PCDH9: variants seen among roughly 807,000 people sequenced by gnomAD.
The protein encoded by PCDH9 is protocadherin 9, also known as protocadherin-9.
PCDH9 carries 24 observed loss-of-function variants against 70.6 expected under a neutral mutation model. The observed-to-expected ratio is 0.34, with a 90% CI of 0.25 to 0.48. The LOEUF (loss-of-function observed/expected upper bound fraction) is 0.48, where lower values mean the gene tolerates loss of function less well. PCDH9 is among the 20% of genes least tolerant of loss of function. The pLI, the probability that PCDH9 is intolerant of heterozygous loss-of-function variation, is 0.99. For missense variants in PCDH9, 1,281 were observed against 1,503.6 expected (o/e 0.85, Z 2.45); for synonymous variants, 562 against 558.5 (o/e 1.01, Z -0.09).
intron 2 of PCDH9, among the ~76,000 whole-genome samples, chr13:67,088,409 G>T (rs1266591934): frequency 6.6e-6 from 1 of 151,966 alleles, no homozygotes; most frequent in Non-Finnish European, 1.5e-5. Flanking sequence ...CTCGCATAGA[G>T]AATTCATTAG....
chr13:66,477,981 T>C (rs1429942189), intron 4 of PCDH9, among the ~76,000 whole-genome samples: 2 of 152,198 alleles, frequency 1.3e-5, no homozygotes, highest in Non-Finnish European at 2.9e-5. Flanking sequence ...GCTACATTTT[T>C]TACAAATTGA....
intron 4 of PCDH9, among the ~76,000 whole-genome samples, chr13:66,331,741 T>C (rs190283979): frequency 1.9e-4 from 29 of 152,300 alleles, no homozygotes; most frequent in Admixed American, 3.9e-4. Flanking sequence ...GGTTACACTT[T>C]AGTGGCAATA....
In PCDH9 at chr13:66,304,133, C is replaced by T. The variant is rs754754925; in HGVS notation, c.*522G>A. The T allele has an allele frequency of 1.3e-5, 2 of 152,782 alleles. No individual in the cohort carries two copies. Among genetic ancestry groups the T allele is most frequent in the Non-Finnish European group, 2.9e-5 (2 of 68,306 alleles). 9.5% of individuals were successfully genotyped at this position (152,782 alleles called of 1,614,324 possible). On this transcript the variant is annotated 3_prime_UTR_variant, in exon 5 of 5. Coordinates refer to ENST00000377865, the MANE Select transcript of PCDH9 (RefSeq NM_203487.3). ...AATAGCTTGCTTCTATTTACAAATA[C>T]TTTAACACTGATTGACTTACAAGTG...
At chr13:66,862,002 A>AG (rs2081492670) in intron 3 of PCDH9, among the ~76,000 whole-genome samples, 1 of 152,228 alleles carries the variant, frequency 6.6e-6, no homozygotes, top group Non-Finnish European at 1.5e-5. Context: ...CAAAATGAGA[A>AG]TTCCATAACC....
rs185840470 is a variant in PCDH9, at chr13:66,625,969, G to A, written c.3340+5241C>T. Among the ~76,000 whole-genome samples, 360 of 152,194 alleles carry A rather than the reference G, an allele frequency of 2.4e-3. 2 individuals carry two copies. Among genetic ancestry groups the A allele is most frequent in the African/African-American group, 8.3e-3 (343 of 41,526 alleles). On this transcript the variant is annotated intron_variant, in intron 4 of 4. Coordinates refer to ENST00000377865, the MANE Select transcript of PCDH9 (RefSeq NM_203487.3). ...GTGAGCCATGGCACCTGGCCTATAT[G>A]TTGGCTTTATAATTCATTGATTAGA...
intron 3 of PCDH9, among the ~76,000 whole-genome samples, chr13:66,791,993 TA>T (rs1819125077): frequency 6.6e-6 from 1 of 152,172 alleles, no homozygotes; most frequent in African/African-American, 2.4e-5. Context: ...AATTTTATAA[TA>T]AAAATCAATA....
At chr13:67,067,456 C>T (rs2085670204) in intron 2 of PCDH9, among the ~76,000 whole-genome samples, 1 of 152,002 alleles carries the variant, frequency 6.6e-6, no homozygotes, top group African/African-American at 2.4e-5. Flanking sequence ...GAGACCATCT[C>T]AATTTGGACT....
intron 4 of PCDH9, among the ~76,000 whole-genome samples, chr13:66,341,493 G>A (rs940163559): frequency 1.4e-4 from 21 of 152,136 alleles, no homozygotes; most frequent in Middle Eastern, 3.4e-3. Flanking sequence ...TCACCCAATA[G>A]GTTGTTAGAA....
intron 3 of PCDH9, among the ~76,000 whole-genome samples, chr13:66,754,996 T>A (rs979701842): frequency 6.6e-6 from 1 of 152,192 alleles, no homozygotes; most frequent in Non-Finnish European, 1.5e-5. Flanking sequence ...GAATTTGAGA[T>A]AAATTACTTA....
intron 4 of PCDH9, among the ~76,000 whole-genome samples, chr13:66,432,446 A>C (rs1485359517): frequency 6.6e-6 from 1 of 152,184 alleles, no homozygotes; most frequent in East Asian, 1.9e-4. Flanking sequence ...CATGCCTGAT[A>C]GCCTTGAATA....
intron 4 of PCDH9, among the ~76,000 whole-genome samples, chr13:66,630,099 G>A (rs985441673): frequency 5.3e-5 from 8 of 152,168 alleles, no homozygotes; most frequent in Admixed American, 3.9e-4. Context: ...TTCCCACTTC[G>A]TGCAACCAGT....
intron 3 of PCDH9, among the ~76,000 whole-genome samples, chr13:66,867,361 A>G (rs895548433): frequency 1.3e-5 from 2 of 152,170 alleles, no homozygotes; most frequent in East Asian, 3.9e-4. Flanking sequence ...CTGTAGAATG[A>G]TATTTGGGTA....
intron 3 of PCDH9, among the ~76,000 whole-genome samples, chr13:66,866,747 A>G (rs1313981011): frequency 6.6e-6 from 1 of 152,178 alleles, no homozygotes; most frequent in African/African-American, 2.4e-5. Context: ...CAATGAGCCA[A>G]AATTGTGCCA....
At chr13:66,990,859 G>T (rs1566346161) in intron 2 of PCDH9, 1 of 151,652 alleles carries the variant, frequency 6.6e-6, no homozygotes, top group South Asian at 2.1e-4. Context: ...TGACAAAAAT[G>T]CTCCATGTTG....
At chr13:67,171,882 T>C (rs2088295957) in intron 2 of PCDH9, among the ~76,000 whole-genome samples, 1 of 152,118 alleles carries the variant, frequency 6.6e-6, no homozygotes, top group African/African-American at 2.4e-5. Flanking sequence ...ATGAGAGCGG[T>C]GTCATTTATT....
intron 3 of PCDH9, among the ~76,000 whole-genome samples, chr13:66,831,516 A>G (rs968673085): frequency 6.6e-6 from 1 of 152,212 alleles, no homozygotes; most frequent in African/African-American, 2.4e-5. Context: ...AGTCAGGAAG[A>G]TGACACCGAC....
At chr13:66,438,398 G>A (rs1957916265) in intron 4 of PCDH9, among the ~76,000 whole-genome samples, 1 of 152,112 alleles carries the variant, frequency 6.6e-6, no homozygotes, top group East Asian at 1.9e-4. Flanking sequence ...GCATTCCCTT[G>A]CTGAGTCATA....
Position 66,810,366 on chromosome 13 carries a change from A to T in PCDH9, c.3138+93138T>A, listed in dbSNP as rs114801164. Among the ~76,000 whole-genome samples, 589 of 152,190 alleles carry T rather than the reference A, an allele frequency of 3.9e-3. 5 individuals carry two copies. The highest frequency in any genetic ancestry group is 0.013 in the African/African-American group (541 of 41,560). On this transcript the variant is annotated intron_variant, in intron 3 of 4. Transcript: ENST00000377865. ...AAGGTTTTGAGCCTTACAGTTCAAA[A>T]GATTGACTGGAATTTAAATTCAGCC...
At chr13:67,099,001 A>C (rs760530888) in intron 2 of PCDH9, among the ~76,000 whole-genome samples, 13 of 152,176 alleles carry the variant, frequency 8.5e-5, no homozygotes, top group Non-Finnish European at 1.2e-4. Context: ...GTAAAGAATG[A>C]CCTCATGTTG....
Sources: gnomAD v4.1 joint callset for allele counts (sites outside exome capture counted in the v4.1 genomes callset) on GRCh38, gnomAD v4.1.1 for gene constraint, MANE v1.5 for transcripts, NCBI Gene and HGNC (gene_info 2026-07-23, HGNC 2026-07-21) for gene names.